PDGFC: variants seen among roughly 807,000 people sequenced by gnomAD.
PDGFC encodes platelet derived growth factor C.
In PDGFC, 12 loss-of-function variants were observed where a neutral mutation model predicts 35.5. That is an observed-to-expected ratio of 0.34 (90% confidence interval 0.22 to 0.55). The LOEUF is 0.55. Ranked by LOEUF, PDGFC falls within the 20% of genes least tolerant of loss-of-function variation. PDGFC has a pLI of 0.91. For missense variants in PDGFC, 322 were observed against 412.4 expected, an observed-to-expected ratio of 0.78 and a Z score of 1.90; for synonymous variants, 159 against 148.8, an observed-to-expected ratio of 1.07 and a Z score of -0.50.
In PDGFC at chr4:156,767,765, A is replaced by G. The variant is rs373550042; in HGVS notation, c.921+8T>C. 6.4e-7 allele frequency: 1 copy of G among 1,572,428 alleles called. No homozygotes were observed. Among genetic ancestry groups the G allele is most frequent in the South Asian group, 1.1e-5 (1 of 90,202 alleles). On this transcript the variant is annotated splice_region_variant and intron_variant, in intron 5 of 5. Transcript: ENST00000502773. ...CGAAGGAAACCAAAAAGAAAATTGT[A>G]TACCTACCTCGTGGTATTTTTTAGT...
intron 3 of PDGFC, among the ~76,000 whole-genome samples, chr4:156,802,043 T>C (rs1731625882): frequency 6.6e-6 from 1 of 152,186 alleles, no homozygotes; most frequent in Non-Finnish European, 1.5e-5. Flanking sequence ...CCTTTTTTCT[T>C]GCAACATGTG....
chr4:156,866,111 C>T (rs749779729), intron 1 of PDGFC, among the ~76,000 whole-genome samples: 1 of 152,084 alleles, frequency 6.6e-6, no homozygotes. Context: ...CTCCACTGCC[C>T]CCACCCGAGG....
chr4:156,932,795 T>C (rs1731584066), intron 1 of PDGFC, among the ~76,000 whole-genome samples: 1 of 150,442 alleles, frequency 6.6e-6, no homozygotes, highest in Non-Finnish European at 1.5e-5. Context: ...TATCTAATGA[T>C]AAATGACGAG....
intron 1 of PDGFC, among the ~76,000 whole-genome samples, chr4:156,958,588 T>C (rs1045286023): frequency 1.3e-5 from 2 of 152,076 alleles, no homozygotes; most frequent in Non-Finnish European, 2.9e-5. Context: ...AGTTACAGAA[T>C]GAATAAATGT....
intron 1 of PDGFC, among the ~76,000 whole-genome samples, chr4:156,881,274 A>C (rs1730234552): frequency 6.6e-6 from 1 of 152,218 alleles, no homozygotes; most frequent in African/African-American, 2.4e-5. Flanking sequence ...TTTTTGCAAT[A>C]AAGTGTTTTT....
chr4:156,819,106 A>C (rs761909241), intron 2 of PDGFC, among the ~76,000 whole-genome samples: 27 of 152,346 alleles, frequency 1.8e-4, no homozygotes, highest in Non-Finnish European at 2.9e-4. Flanking sequence ...TTGGAAGCTA[A>C]CAGAGGTTGC....
chr4:156,810,570 A>T (rs1459037811), intron 3 of PDGFC, among the ~76,000 whole-genome samples: 1 of 152,006 alleles, frequency 6.6e-6, no homozygotes, highest in African/African-American at 2.4e-5. Context: ...ATAATATTTC[A>T]TAGACTCCTG....
rs183977521 is a variant in PDGFC at position 156,840,316 on chromosome 4, G to C, written c.314+9905C>G. On this transcript the variant is annotated intron_variant, in intron 2 of 5. Transcript: ENST00000502773. ...CAGCAGCTCCAGCCATGGCTAAAAGGGGTAAAGGTACAGCTCAGGCTGTTG... is the reference window on the plus strand; with the variant it reads ...CAGCAGCTCCAGCCATGGCTAAAAGCGGTAAAGGTACAGCTCAGGCTGTTG... Among the ~76,000 whole-genome samples the C allele has an allele frequency of 2.4e-3, 365 of 152,330 alleles. 1 individual carries two copies. Among genetic ancestry groups the C allele is most frequent in the African/African-American group, 8.5e-3 (353 of 41,560 alleles).
chr4:156,928,876 A>G (rs1731482344), intron 1 of PDGFC, among the ~76,000 whole-genome samples: 1 of 152,350 alleles, frequency 6.6e-6, no homozygotes, highest in Admixed American at 6.5e-5. Context: ...AGGACTGTTT[A>G]TCTCTATGAT....
intron 3 of PDGFC, among the ~76,000 whole-genome samples, chr4:156,802,720 A>AGAT (rs1218651205): frequency 1.3e-5 from 2 of 152,188 alleles, no homozygotes; most frequent in Admixed American, 1.3e-4. Flanking sequence ...GAGAGGAATC[A>AGAT]GAGTGTTTTG....
At chr4:156,930,240 A>G (rs898899165) in intron 1 of PDGFC, among the ~76,000 whole-genome samples, 10 of 152,228 alleles carry the variant, frequency 6.6e-5, no homozygotes, top group African/African-American at 2.4e-4. Context: ...CGTTATTGCT[A>G]TATGATTTTT....
intron 1 of PDGFC, among the ~76,000 whole-genome samples, chr4:156,924,130 T>C (rs1310941548): frequency 4.6e-5 from 7 of 152,194 alleles, no homozygotes; most frequent in Non-Finnish European, 1.0e-4. Context: ...ACTCAATATG[T>C]TGGCCAAACG....
chr4:156,894,792 A>C (rs1005509154), intron 1 of PDGFC, among the ~76,000 whole-genome samples: 1 of 152,146 alleles, frequency 6.6e-6, no homozygotes, highest in Non-Finnish European at 1.5e-5. Context: ...AAAAACCAAA[A>C]AAAAGGCTCA....
chr4:156,831,073 C>G (rs981154281), intron 2 of PDGFC, among the ~76,000 whole-genome samples: 4 of 152,122 alleles, frequency 2.6e-5, no homozygotes, highest in African/African-American at 9.7e-5. Flanking sequence ...ATGGTATTTC[C>G]TCCATACATA....
intron 1 of PDGFC, among the ~76,000 whole-genome samples, chr4:156,864,838 A>G (rs2111123784): frequency 6.6e-6 from 1 of 152,280 alleles, no homozygotes; most frequent in African/African-American, 2.4e-5. Flanking sequence ...TTATAAAACT[A>G]GCCTTCAAAA....
In PDGFC at chr4:156,836,913, C is replaced by T. The variant is rs1729076916; in HGVS notation, c.314+13308G>A. ...TTAGGAATAAATTTTAAGTCAGAATCTGCCTGTATTATAAAAGCCTGAAGA... is the reference window on the plus strand; with the variant it reads ...TTAGGAATAAATTTTAAGTCAGAATTTGCCTGTATTATAAAAGCCTGAAGA... On this transcript the variant is annotated intron_variant, in intron 2 of 5. Transcript: ENST00000502773. 2.0e-5 allele frequency among the ~76,000 whole-genome samples: 3 copies of T among 152,160 alleles called. No individual in the cohort carries two copies. In the South Asian group the frequency reaches 6.2e-4, roughly 32 times the overall value.
At chr4:156,819,679 T>C (rs1251030780) in intron 2 of PDGFC, among the ~76,000 whole-genome samples, 1 of 152,242 alleles carries the variant, frequency 6.6e-6, no homozygotes, top group Admixed American at 6.5e-5. Flanking sequence ...CAAGGAGATT[T>C]ATGTTTTCAT....
intron 1 of PDGFC, among the ~76,000 whole-genome samples, chr4:156,915,061 C>T (rs952707568): frequency 6.6e-6 from 1 of 152,236 alleles, no homozygotes; most frequent in East Asian, 1.9e-4. Flanking sequence ...CAAAACCACA[C>T]ACACACAAAA....
rs144313920 is a variant in PDGFC at position 156,822,831 on chromosome 4, G to A, written c.315-11814C>T. Among the ~76,000 whole-genome samples the A allele has an allele frequency of 3.7e-3, 569 of 151,916 alleles. 2 individuals are homozygous for A. Among genetic ancestry groups the A allele is most frequent in the African/African-American group, 0.013 (530 of 41,400 alleles). On this transcript the variant is annotated intron_variant, in intron 2 of 5. Transcript: ENST00000502773. ...GGCTGGAGTGCCATGGTGCGATCTCGGCTCACTGCAACCTTGCAACCTTCG... is the reference window on the plus strand; with the variant it reads ...GGCTGGAGTGCCATGGTGCGATCTCAGCTCACTGCAACCTTGCAACCTTCG...
Sources: allele counts gnomAD v4.1 joint callset (sites outside exome capture counted in the v4.1 genomes callset), GRCh38; gene constraint gnomAD v4.1.1; transcripts MANE v1.5; gene names NCBI Gene and HGNC (gene_info 2026-07-23, HGNC 2026-07-21).